GFRAL: variants seen among roughly 807,000 people sequenced by gnomAD.
GFRAL encodes the protein GDNF family receptor alpha like.
GFRAL carries 36 observed loss-of-function variants against 45.4 expected under a neutral mutation model. The ratio of observed to expected loss-of-function variants is 0.79; its 90% CI spans 0.61 to 1.05. The LOEUF is 1.05. Ranked by LOEUF, GFRAL falls within the 50% of genes least tolerant of loss-of-function variation. GFRAL has a pLI of 0.00. For missense variants in GFRAL, 507 were observed against 467.5 expected, an observed-to-expected ratio of 1.08 and a Z score of -0.78; for synonymous variants, 166 against 154.1, an observed-to-expected ratio of 1.08 and a Z score of -0.57.
At chr6:55,380,429 G>A (rs193012176) in intron 6 of GFRAL, among the ~76,000 whole-genome samples, 513 of 152,040 alleles carry the variant, frequency 3.4e-3, no homozygotes, top group Admixed American at 6.3e-3. Flanking sequence ...TATATACAGA[G>A]TGTGTTGAAA....
At position 55,356,137 on chromosome 6, in the gene GFRAL, G is replaced by A. The variant is rs558032534; in HGVS notation, c.702-2751G>A. ...ATTTGGTTTGCTAGGATTTTGTTGA[G>A]GATTTTTGCATTAATGTTCTTCAGG... On this transcript the variant is annotated intron_variant, in intron 5 of 8. Transcript: ENST00000340465. Among the ~76,000 whole-genome samples the A allele has an allele frequency of 3.9e-5, 6 of 151,918 alleles. No homozygotes were observed. The East Asian group carries it at 7.8e-4, about 20-fold the overall frequency.
intron 6 of GFRAL, among the ~76,000 whole-genome samples, chr6:55,379,415 G>A (rs906928464): frequency 6.6e-6 from 1 of 151,820 alleles, no homozygotes; most frequent in Non-Finnish European, 1.5e-5. Context: ...TGAACCATTA[G>A]GCTTCTTTTA....
chr6:55,354,613 A>G (rs1170283022), intron 5 of GFRAL, among the ~76,000 whole-genome samples: 1 of 151,952 alleles, frequency 6.6e-6, no homozygotes, highest in Non-Finnish European at 1.5e-5. Flanking sequence ...GACAAATCCT[A>G]TCATTTTCCT....
intron 2 of GFRAL, 91 bp downstream of exon 2, chr6:55,331,940 GT>G (rs1767834887): frequency 8.3e-7 from 1 of 1,210,074 alleles, no homozygotes; most frequent in African/African-American, 1.6e-5. Context: ...TAAGAACTAA[GT>G]TTTTTTCTAT....
intron 6 of GFRAL, among the ~76,000 whole-genome samples, chr6:55,376,693 C>T (rs1379605944): frequency 6.6e-6 from 1 of 151,754 alleles, no homozygotes; most frequent in Non-Finnish European, 1.5e-5. Flanking sequence ...TGGTGATATT[C>T]CCCCTTATTA....
chr6:55,361,490 CATATT>C (rs1768274434), intron 6 of GFRAL, among the ~76,000 whole-genome samples: 1 of 151,628 alleles, frequency 6.6e-6, no homozygotes. Flanking sequence ...CTTTTATATT[CATATT>C]ATATTTTATC....
At chr6:55,385,431 C>T (rs146370523) in intron 6 of GFRAL, among the ~76,000 whole-genome samples, 1 of 152,170 alleles carries the variant, frequency 6.6e-6, no homozygotes, top group Non-Finnish European at 1.5e-5. Context: ...TGCTATGTGT[C>T]AGACATTGTT....
chr6:55,361,498 A>G (rs1768274577), intron 6 of GFRAL, among the ~76,000 whole-genome samples: 1 of 151,986 alleles, frequency 6.6e-6, no homozygotes, highest in African/African-American at 2.4e-5. Context: ...TTCATATTAT[A>G]TTTTATCATT....
intron 3 of GFRAL, among the ~76,000 whole-genome samples, chr6:55,335,937 T>TTATTTTATTTTA (rs1280357547): frequency 6.6e-6 from 1 of 151,654 alleles, no homozygotes; most frequent in African/African-American, 2.4e-5. Context: ...TTATTTTATT[T>TTATTTTATTTTA]TTGTTGTGTT....
At chr6:55,399,142 G>A (rs1483312714) in intron 6 of GFRAL, 38 bp from the exon 7 acceptor site, 1 of 1,061,544 alleles carries the variant, frequency 9.4e-7, no homozygotes, top group African/African-American at 1.6e-5. Context: ...AATAATGTAT[G>A]ATATGTAACT....
chr6:55,363,684 G>C (rs557842036), intron 6 of GFRAL, among the ~76,000 whole-genome samples: 16 of 148,220 alleles, frequency 1.1e-4, no homozygotes, highest in Non-Finnish European at 1.5e-4. Context: ...GAGAATATGC[G>C]GTGTTTGGTT....
intron 6 of GFRAL, among the ~76,000 whole-genome samples, chr6:55,360,198 T>G (rs1562055816): frequency 6.6e-6 from 1 of 151,880 alleles, no homozygotes; most frequent in Non-Finnish European, 1.5e-5. Flanking sequence ...AACCTCTCTA[T>G]TATCCATCTT....
At chr6:55,381,805 CATTTCCCCTGCA>C (rs979008220) in intron 6 of GFRAL, among the ~76,000 whole-genome samples, 10 of 151,814 alleles carry the variant, frequency 6.6e-5, no homozygotes, top group Non-Finnish European at 1.3e-4. Flanking sequence ...TTGTGAAAGA[CATTTCCCCTGCA>C]AAAACTCCTC....
intron 3 of GFRAL, among the ~76,000 whole-genome samples, chr6:55,345,215 A>T (rs1427524785): frequency 6.6e-6 from 1 of 152,182 alleles, no homozygotes; most frequent in East Asian, 1.9e-4. Context: ...TATGGAACCA[A>T]AAAAGGGCCC....
At chr6:55,389,946 T>G (rs1768726881) in intron 6 of GFRAL, among the ~76,000 whole-genome samples, 2 of 152,228 alleles carry the variant, frequency 1.3e-5, no homozygotes, top group South Asian at 4.1e-4. Flanking sequence ...CTGCATCCCA[T>G]ACTTACTTTT....
intron 6 of GFRAL, among the ~76,000 whole-genome samples, chr6:55,377,884 A>G (rs1768555852): frequency 6.6e-6 from 1 of 152,058 alleles, no homozygotes; most frequent in South Asian, 2.1e-4. Context: ...TGTAAAGGAG[A>G]TGGGGTGTCA....
chr6:55,343,294 A>C (rs559719729), intron 3 of GFRAL, among the ~76,000 whole-genome samples: 1 of 152,338 alleles, frequency 6.6e-6, no homozygotes, highest in Non-Finnish European at 1.5e-5. Context: ...ACTCCTTGGC[A>C]AACGTAAAAG....
chr6:55,363,527 G>A (rs1274368404), intron 6 of GFRAL, among the ~76,000 whole-genome samples: 1 of 150,036 alleles, frequency 6.7e-6, no homozygotes, highest in East Asian at 2.0e-4. Flanking sequence ...ATGCTGGTGC[G>A]CTGAACCCAC....
intron 6 of GFRAL, among the ~76,000 whole-genome samples, chr6:55,368,213 C>A (rs1454401725): frequency 1.3e-5 from 2 of 152,024 alleles, no homozygotes; most frequent in Admixed American, 1.3e-4. Flanking sequence ...CGCTGATACC[C>A]TTTCTTCTAG....
Sources: allele counts gnomAD v4.1 joint callset (sites outside exome capture counted in the v4.1 genomes callset), GRCh38; gene constraint gnomAD v4.1.1; transcripts MANE v1.5; gene names NCBI Gene and HGNC (gene_info 2026-07-23, HGNC 2026-07-21).